The following PAQR3 variants were observed in gnomAD, a reference collection of about 807,000 sequenced individuals.
The protein encoded by PAQR3 is Raf kinase trapping to Golgi.
In PAQR3, 39 loss-of-function variants were observed where a neutral mutation model predicts 41.7. That is an observed-to-expected ratio of 0.93 (90% confidence interval 0.72 to 1.22). PAQR3 has a LOEUF of 1.22. Among genes scored for constraint, PAQR3 ranks in the 50% most tolerant of loss-of-function variants. The pLI is 0.00. For synonymous variants in PAQR3, 140 were observed against 140.6 expected (o/e 1.00, Z 0.03); for missense variants, 366 against 385.6 (o/e 0.95, Z 0.42).
chr4:78,895,958 C>T (rs189600556), intron 11 of PAQR3, among the ~76,000 whole-genome samples: 142 of 152,168 alleles, frequency 9.3e-4, no homozygotes, highest in African/African-American at 3.1e-3. Flanking sequence ...GACAAGGTCT[C>T]GCTGTGTTGA....
chr4:78,926,480 GA>G (rs762890211), intron 4 of PAQR3, 40 bp downstream of exon 4: 26,890 of 999,114 alleles, frequency 0.027, no homozygotes, highest in South Asian at 0.041. Context: ...AAATTGAAAG[GA>G]AAAAAAAAAA....
chr4:78,912,009 T>C lies in PAQR3; in HGVS notation c.*8530A>G. On this transcript the variant is annotated 3_prime_UTR_variant, in exon 6 of 6. Coordinates refer to ENST00000512733, the MANE Select transcript of PAQR3 (RefSeq NM_001040202.2). ...CAGTCGAATTAGACCCATTTGGTGCTGCTCCATTTCCTTCTAAACAGTAGA... is the reference window on the plus strand; with the variant it reads ...CAGTCGAATTAGACCCATTTGGTGCCGCTCCATTTCCTTCTAAACAGTAGA... 1 of 1,612,254 alleles carries C rather than the reference T, an allele frequency of 6.2e-7. No individual in the cohort carries two copies. The highest frequency in any genetic ancestry group is 1.1e-5 in the South Asian group (1 of 90,828).
chr4:78,923,341 T>A (rs941536571), intron 5 of PAQR3, among the ~76,000 whole-genome samples: 6 of 152,100 alleles, frequency 3.9e-5, no homozygotes, highest in Admixed American at 1.3e-4. Context: ...CTTTTTTTTT[T>A]ATTATTATAC....
At chr4:78,901,023 T>C (rs1434808155) in intron 11 of PAQR3, among the ~76,000 whole-genome samples, 1 of 152,068 alleles carries the variant, frequency 6.6e-6, no homozygotes, top group African/African-American at 2.4e-5. Context: ...GATTAACCAT[T>C]TGATATTGAG....
At chr4:78,910,911 C>A (rs551714857), downstream of PAQR3, 6 of 1,613,918 alleles carry the variant, frequency 3.7e-6, no homozygotes, top group East Asian at 1.3e-4. Flanking sequence ...GGCCTCTCCT[C>A]ATGGATTCTG....
chr4:78,901,702 C>T (rs1189056516), intron 11 of PAQR3, among the ~76,000 whole-genome samples: 5 of 152,174 alleles, frequency 3.3e-5, no homozygotes, highest in Non-Finnish European at 7.3e-5. Context: ...ATAGGTGGCT[C>T]TGTGAATTAT....
rs1560565847 is a variant in PAQR3, at chr4:78,916,087, CTA to C, written c.*4450_*4451del. ...TTCTACTTGTTACAAAACATACTTG[CTA>C]AAGTAACTTCAGTCCTCAAATATAG... On this transcript the variant is annotated 3_prime_UTR_variant, in exon 6 of 6. Transcript: ENST00000512733. The C allele has an allele frequency of 6.6e-6, 1 of 151,808 alleles. No individual in the cohort carries two copies. The highest frequency in any genetic ancestry group is 1.5e-5 in the Non-Finnish European group (1 of 67,790). 9.4% of individuals were successfully genotyped at this position (151,808 alleles called of 1,614,324 possible). A position where few individuals can be genotyped will look rare whatever the true frequency, so the allele number is the denominator to read the frequency against.
downstream of PAQR3, chr4:78,911,633 C>T: frequency 4.3e-6 from 7 of 1,614,014 alleles, no homozygotes; most frequent in Non-Finnish European, 5.9e-6. Context: ...CGCCGAGACT[C>T]TCAAAGTAGC....
chr4:78,937,255 G>A (rs1737529707), intron 1 of PAQR3, among the ~76,000 whole-genome samples: 1 of 152,178 alleles, frequency 6.6e-6, no homozygotes, highest in African/African-American at 2.4e-5. Context: ...GTTGTTAGGG[G>A]GAAGGGTGCT....
chr4:78,923,007 T>C (rs1038332992), intron 5 of PAQR3: 1 of 456,106 alleles, frequency 2.2e-6, no homozygotes, highest in Non-Finnish European at 4.4e-6. Flanking sequence ...AACAAAAAAA[T>C]CTATTGGCTT....
intron 4 of PAQR3, 70 bp downstream of exon 4, chr4:78,926,451 A>T: frequency 7.2e-7 from 1 of 1,380,204 alleles, no homozygotes; most frequent in Non-Finnish European, 1.0e-6. Flanking sequence ...TGATTATACT[A>T]CTTTACCCAA....
chr4:78,912,492 A>C lies in PAQR3; in HGVS notation c.*8047T>G, dbSNP rs1734700038. ...TTTTAATTTCCAGACAGTTAAAAAC[A>C]ATCTAGTTATCTTAAAGCATTAGAA... On this transcript the variant is annotated 3_prime_UTR_variant, in exon 6 of 6. Transcript: ENST00000512733. 2 of 154,998 alleles carry C rather than the reference A, an allele frequency of 1.3e-5. No individual in the cohort carries two copies. The highest frequency in any genetic ancestry group is 1.3e-4 in the Admixed American group (2 of 15,684). 9.6% of individuals were successfully genotyped at this position (154,998 alleles called of 1,614,324 possible). A position where few individuals can be genotyped will look rare whatever the true frequency, so the allele number is the denominator to read the frequency against.
chr4:78,901,709 TTATATAATGTAG>T (rs1734015795), intron 11 of PAQR3, among the ~76,000 whole-genome samples: 1 of 152,196 alleles, frequency 6.6e-6, no homozygotes, highest in South Asian at 2.1e-4. Flanking sequence ...GCTCTGTGAA[TTATATAATGTAG>T]TGTGGACCAC....
At chr4:78,923,719 G>A in intron 5 of PAQR3, 138 bp downstream of exon 5, 1 of 695,200 alleles carries the variant, frequency 1.4e-6, no homozygotes, top group Admixed American at 2.8e-5. Flanking sequence ...AAAGTTTTAG[G>A]TAACATTTGG....
At chr4:78,924,569 G>A (rs1039997072) in intron 4 of PAQR3, among the ~76,000 whole-genome samples, 5 of 152,128 alleles carry the variant, frequency 3.3e-5, no homozygotes, top group African/African-American at 1.2e-4. Context: ...TTTGGCAGAA[G>A]GATCGCTTGA....
At position 78,918,784 on chromosome 4, in the gene PAQR3, A is replaced by C. The variant is rs1294721894; in HGVS notation, c.*1755T>G. ...TCCCCTCATTTTTAACTTAAGTGTAACTACTCAGTGTCTTTTGTTTGGCCA... is the reference window on the plus strand; with the variant it reads ...TCCCCTCATTTTTAACTTAAGTGTACCTACTCAGTGTCTTTTGTTTGGCCA... On this transcript the variant is annotated 3_prime_UTR_variant, in exon 6 of 6. Coordinates refer to ENST00000512733, the MANE Select transcript of PAQR3 (RefSeq NM_001040202.2). 1 of 984,396 alleles carries C rather than the reference A, an allele frequency of 1.0e-6. No individual in the cohort carries two copies. Among genetic ancestry groups the C allele is most frequent in the Non-Finnish European group, 1.2e-6 (1 of 829,228 alleles). 61.0% of individuals were successfully genotyped at this position (984,396 alleles called of 1,614,324 possible). A position where few individuals can be genotyped will look rare whatever the true frequency, so the allele number is the denominator to read the frequency against.
chr4:78,904,112 A>G (rs1426284855), intron 11 of PAQR3, among the ~76,000 whole-genome samples: 1 of 152,006 alleles, frequency 6.6e-6, no homozygotes, highest in Non-Finnish European at 1.5e-5. Context: ...AAGAGATAAG[A>G]GAAAGCCAAG....
chr4:78,930,880 T>TTATATATATATA (rs147412098), intron 2 of PAQR3, among the ~76,000 whole-genome samples: 12 of 150,390 alleles, frequency 8.0e-5, no homozygotes, highest in South Asian at 2.1e-4. Flanking sequence ...CATGCACACA[T>TTATATATATATA]TATATATATA....
Position 78,912,086 on chromosome 4 carries a change from G to A in PAQR3, c.*8453C>T. The A allele has an allele frequency of 1.3e-6, 2 of 1,483,608 alleles. No homozygotes were observed. Among genetic ancestry groups the A allele is most frequent in the Non-Finnish European group, 1.8e-6 (2 of 1,097,630 alleles). 91.9% of individuals were successfully genotyped at this position (1,483,608 alleles called of 1,614,324 possible). ...CTCCTGTTTCAAAAAAGTGTGAACA[G>A]TTTTATGAATTTGAAAGAAAATTTG... On this transcript the variant is annotated 3_prime_UTR_variant, in exon 6 of 6. Coordinates refer to ENST00000512733, the MANE Select transcript of PAQR3 (RefSeq NM_001040202.2).
Sources: allele counts gnomAD v4.1 joint callset (sites outside exome capture counted in the v4.1 genomes callset), GRCh38; gene constraint gnomAD v4.1.1; transcripts MANE v1.5; gene names NCBI Gene and HGNC (gene_info 2026-07-23, HGNC 2026-07-21).